SPIDR: variants seen among roughly 807,000 people sequenced by gnomAD.
SPIDR encodes the protein scaffold protein involved in DNA repair.
A neutral mutation model predicts 104.6 loss-of-function variants in SPIDR; 93 were observed. The observed-to-expected ratio is 0.89, with a 90% CI of 0.75 to 1.06. The LOEUF (loss-of-function observed/expected upper bound fraction) is 1.06, where lower values mean the gene tolerates loss of function less well. SPIDR is among the 50% of genes least tolerant of loss of function. The probability of loss-of-function intolerance (pLI) is 0.00; values close to 1 mark genes in which losing one functional copy is unlikely to be tolerated. For synonymous variants in SPIDR, 431 were observed against 416.9 expected (o/e 1.03, Z -0.41); for missense variants, 1,154 against 1,111.2 (o/e 1.04, Z -0.55).
At chr8:47,541,909 C>T (rs1024058119) in intron 8 of SPIDR, among the ~76,000 whole-genome samples, 3 of 152,026 alleles carry the variant, frequency 2.0e-5, no homozygotes, top group Non-Finnish European at 2.9e-5. Context: ...CCAGCTTGGG[C>T]GACAGAATGA....
intron 11 of SPIDR, among the ~76,000 whole-genome samples, chr8:47,693,846 G>A (rs945977939): frequency 2.6e-5 from 4 of 152,170 alleles, no homozygotes; most frequent in South Asian, 2.1e-4. Context: ...AAGACTGCTC[G>A]GCCTTTGCTG....
chr8:47,521,341 GGTATTATGGGAC>G (rs1228804318), intron 8 of SPIDR, among the ~76,000 whole-genome samples: 4 of 152,022 alleles, frequency 2.6e-5, no homozygotes, highest in African/African-American at 9.7e-5. Flanking sequence ...TTCTGTCTTG[GGTATTATGGGAC>G]GTGTGTGGCT....
At chr8:47,500,009 A>G (rs1004037677) in intron 8 of SPIDR, among the ~76,000 whole-genome samples, 14 of 152,248 alleles carry the variant, frequency 9.2e-5, no homozygotes, top group African/African-American at 2.9e-4. Flanking sequence ...TCCATGGTGT[A>G]TATGTGCCAC....
At chr8:47,684,907 T>G (rs2077547853) in intron 11 of SPIDR, among the ~76,000 whole-genome samples, 1 of 152,122 alleles carries the variant, frequency 6.6e-6, no homozygotes, top group African/African-American at 2.4e-5. Flanking sequence ...TACAGAGAGA[T>G]CTAGTTAAAA....
chr8:47,642,780 A>G (rs1157109556), intron 10 of SPIDR, among the ~76,000 whole-genome samples: 1 of 151,988 alleles, frequency 6.6e-6, no homozygotes, highest in African/African-American at 2.4e-5. Flanking sequence ...ATGATGGTGC[A>G]CGCCTGTAGT....
At chr8:47,476,958 T>G (rs1431398962) in intron 8 of SPIDR, among the ~76,000 whole-genome samples, 1 of 152,138 alleles carries the variant, frequency 6.6e-6, no homozygotes, top group African/African-American at 2.4e-5. Context: ...GGAGAACAAA[T>G]ATAACCTGTT....
At chr8:47,659,351 T>C (rs2073618850) in intron 10 of SPIDR, among the ~76,000 whole-genome samples, 1 of 152,246 alleles carries the variant, frequency 6.6e-6, no homozygotes, top group African/African-American at 2.4e-5. Flanking sequence ...TCATTGATAT[T>C]TAAAAGTTTA....
At chr8:47,417,565 C>T (rs1387921599) in intron 7 of SPIDR, among the ~76,000 whole-genome samples, 1 of 152,166 alleles carries the variant, frequency 6.6e-6, no homozygotes, top group African/African-American at 2.4e-5. Flanking sequence ...GTCTCCCATT[C>T]TATAGGTTGC....
chr8:47,673,675 T>G (rs1404361963), intron 10 of SPIDR, 126 bp from the exon 11 acceptor site: 19 of 1,319,906 alleles, frequency 1.4e-5, no homozygotes, highest in Middle Eastern at 4.8e-4. Flanking sequence ...TTTCTTTACT[T>G]TCTTTAAATT....
rs147851959 is a variant in SPIDR at position 47,365,489 on chromosome 8, G to T, written c.526-30887G>T. Among the ~76,000 whole-genome samples, 541 of 152,260 alleles carry T rather than the reference G, an allele frequency of 3.6e-3. 1 individual carries two copies. The highest frequency in any genetic ancestry group is 0.034 in the Middle Eastern group (10 of 294). On this transcript the variant is annotated intron_variant, in intron 5 of 19. Coordinates refer to ENST00000297423, the MANE Select transcript of SPIDR (RefSeq NM_001080394.4). ...GTTTCTTTTTTAACCCCCATGGTGTGCAGCCTTGCATTGCATGGCAGTACC... is the reference window on the plus strand; with the variant it reads ...GTTTCTTTTTTAACCCCCATGGTGTTCAGCCTTGCATTGCATGGCAGTACC...
intron 14 of SPIDR, 61 bp downstream of exon 14, chr8:47,702,076 C>T: frequency 1.9e-5 from 11 of 586,088 alleles, no homozygotes; most frequent in Non-Finnish European, 3.1e-5. Flanking sequence ...CTCTCTCTCT[C>T]TCTCTCTCTC....
intron 10 of SPIDR, among the ~76,000 whole-genome samples, chr8:47,617,034 GT>G (rs1040251396): frequency 6.6e-6 from 1 of 151,760 alleles, no homozygotes; most frequent in Non-Finnish European, 1.5e-5. Flanking sequence ...CTTATTTTGT[GT>G]TTTTTTTATA....
intron 6 of SPIDR, among the ~76,000 whole-genome samples, chr8:47,401,827 C>A (rs1231897907): frequency 1.3e-5 from 2 of 152,186 alleles, no homozygotes; most frequent in African/African-American, 4.8e-5. Context: ...CACCCAGATT[C>A]ATAAAGCAAG....
chr8:47,276,131 G>T (rs922389274), intron 1 of SPIDR, among the ~76,000 whole-genome samples: 1 of 152,186 alleles, frequency 6.6e-6, no homozygotes, highest in Non-Finnish European at 1.5e-5. Flanking sequence ...AAAGTGCTGG[G>T]GTTACAGGCA....
intron 5 of SPIDR, among the ~76,000 whole-genome samples, chr8:47,375,590 C>G (rs565428507): frequency 7.9e-5 from 12 of 152,224 alleles, no homozygotes; most frequent in African/African-American, 2.9e-4. Context: ...AAAGCACGGC[C>G]TTCAAAGAAA....
intron 5 of SPIDR, among the ~76,000 whole-genome samples, chr8:47,304,759 G>C (rs2042836962): frequency 6.6e-6 from 1 of 152,058 alleles, no homozygotes; most frequent in African/African-American, 2.4e-5. Context: ...CCCAGTCTCA[G>C]GTATATCTTT....
chr8:47,579,079 G>A (rs2059438874), intron 8 of SPIDR, among the ~76,000 whole-genome samples: 1 of 152,188 alleles, frequency 6.6e-6, no homozygotes, highest in Non-Finnish European at 1.5e-5. Flanking sequence ...GATTTTTGGT[G>A]AGGAGGAGTG....
chr8:47,460,062 T>G (rs1437455876), intron 8 of SPIDR, among the ~76,000 whole-genome samples: 1 of 152,180 alleles, frequency 6.6e-6, no homozygotes, highest in Non-Finnish European at 1.5e-5. Flanking sequence ...TATCATATGG[T>G]CTATCTTGGA....
rs2086172093 is a variant in SPIDR, at chr8:47,735,603, T to C, written c.*153T>C. ...AGATTTTTCTGGGGAAATGTTCAGA[T>C]ACAGTTTTGTGAACTGTAAATCAAA... On this transcript the variant is annotated 3_prime_UTR_variant, in exon 20 of 20. Transcript: ENST00000297423. 2 of 1,447,880 alleles carry C rather than the reference T, an allele frequency of 1.4e-6. No homozygotes were observed. The highest frequency in any genetic ancestry group is 5.0e-5 in the East Asian group (2 of 40,318). 89.7% of individuals were successfully genotyped at this position (1,447,880 alleles called of 1,614,324 possible).
Sources: allele counts gnomAD v4.1 joint callset (sites outside exome capture counted in the v4.1 genomes callset), GRCh38; gene constraint gnomAD v4.1.1; transcripts MANE v1.5; gene names NCBI Gene and HGNC (gene_info 2026-07-23, HGNC 2026-07-21).